The following LITAF variants were observed in gnomAD, a reference collection of about 807,000 sequenced individuals.
LITAF encodes lipopolysaccharide-induced tumor necrosis factor-alpha factor.
In LITAF, 9 loss-of-function variants were observed where a neutral mutation model predicts 14.5. The observed-to-expected ratio is 0.62, with a 90% CI of 0.37 to 1.08. The LOEUF (loss-of-function observed/expected upper bound fraction) is 1.08. LITAF is among the 50% of genes least tolerant of loss of function. LITAF has a pLI of 0.01. For missense variants in LITAF, 206 were observed against 213.4 expected, an observed-to-expected ratio of 0.97 and a Z score of 0.22; for synonymous variants, 98 against 88.2, an observed-to-expected ratio of 1.11 and a Z score of -0.62.
upstream of LITAF, among the ~76,000 whole-genome samples, chr16:11,637,994 CTATATA>C (rs375261202): frequency 1.2e-4 from 5 of 41,964 alleles, 2 homozygotes; most frequent in African/African-American, 9.1e-4. Context: ...CTATATATAT[CTATATA>C]TATCTATATA....
intron 3 of LITAF, among the ~76,000 whole-genome samples, chr16:11,618,275 G>T (rs921906079): frequency 6.6e-6 from 1 of 152,210 alleles, no homozygotes; most frequent in Non-Finnish European, 1.5e-5. Flanking sequence ...CTGCCACTGT[G>T]CTGGTCTAGA....
chr16:11,634,854 T>C lies in LITAF; in HGVS notation c.-21+971A>G, dbSNP rs2065131805. Among the ~76,000 whole-genome samples, 1 of 152,012 alleles carries C rather than the reference T, an allele frequency of 6.6e-6. No individual in the cohort carries two copies. The highest frequency in any genetic ancestry group is 1.5e-5 in the Non-Finnish European group (1 of 68,008). On this transcript the variant is annotated intron_variant, in intron 2 of 3. Coordinates refer to the LITAF transcript ENST00000574848. This position sits in a 1 kb window ranked among gnomAD's most constrained non-coding sequence, Gnocchi z 4.1. ...TTCAGGACCAGCCTGGCTAACCTGG[T>C]GAAACCCCGTCTCTACTAAAAATGC...
upstream of LITAF, among the ~76,000 whole-genome samples, chr16:11,640,304 C>A (rs2065159834): frequency 6.6e-6 from 1 of 152,208 alleles, no homozygotes; most frequent in Admixed American, 6.5e-5. Context: ...ACTTGTTCTG[C>A]AGCCTGGGAA....
upstream of LITAF, among the ~76,000 whole-genome samples, chr16:11,600,887 T>C (rs976215182): frequency 8.6e-5 from 13 of 152,018 alleles, no homozygotes; most frequent in South Asian, 2.1e-4. The surrounding 1 kb of genome is among the most constrained non-coding windows in gnomAD (Gnocchi z 4.1). Context: ...TTCTCGGGCA[T>C]GGTACAAGAG....
intron 1 of LITAF, among the ~76,000 whole-genome samples, chr16:11,594,731 C>T (rs930443126): frequency 3.3e-5 from 5 of 151,918 alleles, no homozygotes; most frequent in East Asian, 1.9e-4. Context: ...CAAAAATTAG[C>T]CGGGCATGGT....
rs60725683 is a variant in LITAF, at chr16:11,563,714, C to T, written c.-5-6979G>A. Among the ~76,000 whole-genome samples the T allele has an allele frequency of 7.1e-3, 1,078 of 151,994 alleles. 10 individuals are homozygous for T. Among genetic ancestry groups the T allele is most frequent in the African/African-American group, 0.025 (1,019 of 41,432 alleles). ...AGGCAATAGAACGTTAATGATCAGC[C>T]GAGGATGGAAAGTCACAAAGCTCAG... On this transcript the variant is annotated intron_variant, in intron 1 of 3. Transcript: ENST00000622633.
intron 1 of LITAF, among the ~76,000 whole-genome samples, chr16:11,574,586 A>G (rs899819911): frequency 6.6e-6 from 1 of 152,080 alleles, no homozygotes; most frequent in Non-Finnish European, 1.5e-5. Context: ...TGCCCTCCCC[A>G]GGCCTCCATC....
chr16:11,551,098 A>G (rs1345499809), intron 3 of LITAF, among the ~76,000 whole-genome samples: 2 of 152,178 alleles, frequency 1.3e-5, no homozygotes, highest in African/African-American at 2.4e-5. Flanking sequence ...CTGACAACCA[A>G]TGTTTGCCAA....
rs529305527 is a variant in LITAF, at chr16:11,635,206, G to A, written c.-21+619C>T. 3.9e-5 allele frequency among the ~76,000 whole-genome samples: 6 copies of A among 152,310 alleles called. No homozygotes were observed. In the South Asian group the frequency reaches 1.2e-3, roughly 32 times the overall value. ...GGCAGTGGGCAAAAGAATCTATTAG[G>A]TGGTTATACGGATACACAAATGCAC... is the stretch of plus-strand genomic sequence containing the variant. On this transcript the variant is annotated intron_variant, in intron 2 of 3. Transcript: ENST00000574848.
intron 1 of LITAF, among the ~76,000 whole-genome samples, chr16:11,567,893 A>T (rs552479869): frequency 6.6e-6 from 1 of 152,304 alleles, no homozygotes; most frequent in African/African-American, 2.4e-5. Context: ...CTGAGGCAGG[A>T]GAAGTGCTTC....
rs1327267231 is a variant in LITAF at position 11,558,742 on chromosome 16, C to T, written c.-5-2007G>A. 6.6e-6 allele frequency among the ~76,000 whole-genome samples: 1 copy of T among 151,846 alleles called. No homozygotes were observed. The stretch of plus-strand genomic sequence containing the variant: ...CAAACGAAACAAAGTGGAATAGAGG[C>T]GGGGGAGTGAACGTGATAAAAAGAA... On this transcript the variant is annotated intron_variant, in intron 1 of 3. Coordinates refer to ENST00000622633, the MANE Select transcript of LITAF (RefSeq NM_001136472.2). The surrounding 1 kb of genome is among the most constrained non-coding windows in gnomAD (Gnocchi z 4.1).
chr16:11,572,165 C>A (rs905336108), intron 1 of LITAF, among the ~76,000 whole-genome samples: 12 of 152,060 alleles, frequency 7.9e-5, no homozygotes, highest in African/African-American at 2.9e-4. Flanking sequence ...AGCCTGGGTC[C>A]TCAGCCCCTC....
chr16:11,634,486 CA>C lies in LITAF; in HGVS notation c.-20-850del. 6.6e-6 allele frequency among the ~76,000 whole-genome samples: 1 copy of C among 152,206 alleles called. No individual in the cohort carries two copies. The highest frequency in any genetic ancestry group is 1.5e-5 in the Non-Finnish European group (1 of 68,050). On this transcript the variant is annotated intron_variant, in intron 2 of 3. Transcript: ENST00000574848. The surrounding 1 kb of genome is among the most constrained non-coding windows in gnomAD (Gnocchi z 4.1). ...TTACCAGCCATTATTCCAGAGGCCA[CA>C]AGATTTGCAACTTCCCCTATTGCCC...
chr16:11,562,615 G>T (rs1032151384), intron 1 of LITAF, among the ~76,000 whole-genome samples: 1 of 152,152 alleles, frequency 6.6e-6, no homozygotes, highest in Non-Finnish European at 1.5e-5. Context: ...AGGTATTCTT[G>T]CCCAGGCATG....
chr16:11,604,376 C>T (rs1404093026), intron 3 of LITAF, among the ~76,000 whole-genome samples: 10 of 152,144 alleles, frequency 6.6e-5, no homozygotes, highest in African/African-American at 1.4e-4. Context: ...ATCCTCATTA[C>T]GACCCAACTA....
upstream of LITAF, among the ~76,000 whole-genome samples, chr16:11,637,424 T>C (rs2065142333): frequency 1.3e-5 from 2 of 152,222 alleles, no homozygotes; most frequent in Admixed American, 1.3e-4. Flanking sequence ...CAGTCCTCTT[T>C]CTGTAAATTC....
intron 3 of LITAF, among the ~76,000 whole-genome samples, chr16:11,552,567 C>T (rs1408577150): frequency 1.3e-5 from 2 of 152,112 alleles, no homozygotes; most frequent in African/African-American, 4.8e-5. Context: ...AGGATATTGC[C>T]CTGTACACAG....
upstream of LITAF, among the ~76,000 whole-genome samples, chr16:11,638,367 A>G (rs2065151651): frequency 1.3e-5 from 2 of 151,848 alleles, no homozygotes; most frequent in South Asian, 4.1e-4. Context: ...TTTGAGTTTT[A>G]TGAAATAAGA....
At chr16:11,586,988 CG>C (rs2064815581), upstream of LITAF, 1 of 152,402 alleles carries the variant, frequency 6.6e-6, no homozygotes, top group Non-Finnish European at 1.5e-5. The surrounding 1 kb of genome is among the most constrained non-coding windows in gnomAD (Gnocchi z 6.5). Context: ...CTGGACCCGC[CG>C]GGGCGGAGCG....
Sources: gnomAD v4.1 joint callset for allele counts (sites outside exome capture counted in the v4.1 genomes callset) on GRCh38, gnomAD v4.1.1 for gene constraint, Gnocchi (gnomAD v3.1) non-coding constraint, MANE v1.5 for transcripts, NCBI Gene and HGNC (gene_info 2026-07-23, HGNC 2026-07-21) for gene names.